Variants in NIPBL observed in about 807,000 individuals in gnomAD.
NIPBL encodes the protein nipped-B-like protein.
In NIPBL, 19 loss-of-function variants were observed where a neutral mutation model predicts 321.8. The observed-to-expected ratio is 0.06, with a 90% confidence interval of 0.04 to 0.09. The LOEUF is 0.09. Ranked by LOEUF, NIPBL falls within the 10% of genes least tolerant of loss-of-function variation. The pLI is 1.00. For synonymous variants in NIPBL, 1,106 were observed against 1,114.1 expected (o/e 0.99, Z 0.14); for missense variants, 2,210 against 3,327.0 (o/e 0.66, Z 8.26).
At chr5:36,886,637 A>G in intron 1 of NIPBL, 1 of 493,608 alleles carries the variant, frequency 2.0e-6, no homozygotes, top group East Asian at 3.7e-5. Flanking sequence ...ATTGAGGTAT[A>G]ATTTATACAG....
At chr5:37,026,774 A>C (rs1750317247) in intron 31 of NIPBL, among the ~76,000 whole-genome samples, 1 of 152,158 alleles carries the variant, frequency 6.6e-6, no homozygotes, top group Non-Finnish European at 1.5e-5. Flanking sequence ...ATATGCCTAT[A>C]ATCCCAGCTG....
chr5:37,029,767 A>G (rs1050742486), intron 32 of NIPBL, among the ~76,000 whole-genome samples: 1 of 152,236 alleles, frequency 6.6e-6, no homozygotes, highest in Non-Finnish European at 1.5e-5. Flanking sequence ...TGGTAAAAGT[A>G]GTACATTACT....
In NIPBL at chr5:36,953,527, A is replaced by G. The variant is rs1740633765; in HGVS notation, c.-79-91A>G. 10 of 645,184 alleles carry G rather than the reference A, an allele frequency of 1.5e-5. No homozygotes were observed. In the South Asian group the frequency reaches 1.9e-4, roughly 12 times the overall value. 40.0% of individuals were successfully genotyped at this position (645,184 alleles called of 1,614,324 possible). ...TTATATAGGTTGAACAAACCAAAGCAGTAACTTTTTTTTATAGTGATTAAG... is the reference window on the plus strand; with the variant it reads ...TTATATAGGTTGAACAAACCAAAGCGGTAACTTTTTTTTATAGTGATTAAG... On this transcript the variant is annotated intron_variant, in intron 1 of 46. Coordinates refer to ENST00000282516, the MANE Select transcript of NIPBL (RefSeq NM_133433.4).
At position 37,065,314 on chromosome 5, in the gene NIPBL, C is replaced by T; in HGVS notation, c.*422C>T. 5.1e-6 allele frequency: 1 copy of T among 197,146 alleles called. No individual in the cohort carries two copies. The highest frequency in any genetic ancestry group is 5.6e-5 in the Admixed American group (1 of 17,978). The allele number at this position is 197,146 out of a possible 1,614,324, so 12.2% of individuals were successfully genotyped here. ...TTTCCAGGCTGTAAAATGGCAGAAT[C>T]TCCTGGATATATAATTTATTCTGTT... On this transcript the variant is annotated 3_prime_UTR_variant, in exon 47 of 47. Coordinates refer to ENST00000282516, the MANE Select transcript of NIPBL (RefSeq NM_133433.4).
At chr5:36,970,575 T>C (rs889887639) in intron 6 of NIPBL, among the ~76,000 whole-genome samples, 8 of 151,688 alleles carry the variant, frequency 5.3e-5, no homozygotes, top group Admixed American at 2.0e-4. Context: ...AGATAACACA[T>C]AGGCAGAATA....
chr5:36,990,745 T>C (rs182966619), intron 10 of NIPBL, among the ~76,000 whole-genome samples: 1 of 152,282 alleles, frequency 6.6e-6, no homozygotes, highest in Non-Finnish European at 1.5e-5. Flanking sequence ...TTCATACAAA[T>C]ATTGCTTAAA....
intron 1 of NIPBL, among the ~76,000 whole-genome samples, chr5:36,923,933 T>A (rs1430671555): frequency 6.6e-6 from 1 of 152,180 alleles, no homozygotes; most frequent in Non-Finnish European, 1.5e-5. Context: ...TTTAAAGTGG[T>A]TAAGGATTAT....
At chr5:36,952,849 C>G (rs977812257) in intron 1 of NIPBL, among the ~76,000 whole-genome samples, 3 of 152,032 alleles carry the variant, frequency 2.0e-5, no homozygotes, top group African/African-American at 7.2e-5. Context: ...AAGATTGAAA[C>G]AAGACAAGTT....
At chr5:37,055,928 G>A (rs917194091) in intron 42 of NIPBL, among the ~76,000 whole-genome samples, 3 of 151,762 alleles carry the variant, frequency 2.0e-5, no homozygotes, top group African/African-American at 4.8e-5. Flanking sequence ...CCAAGGCAAA[G>A]GGATTGCTTG....
At chr5:37,064,505 T>C (rs772359728) in intron 46 of NIPBL, 22 bp from the exon 47 acceptor site, 6 of 1,609,546 alleles carry the variant, frequency 3.7e-6, no homozygotes, top group Non-Finnish European at 5.1e-6. Context: ...TTGGTCTTTT[T>C]TCCCCCCTCC....
chr5:36,948,869 A>G (rs915797656), intron 1 of NIPBL, among the ~76,000 whole-genome samples: 2 of 151,860 alleles, frequency 1.3e-5, no homozygotes, highest in African/African-American at 4.8e-5. Context: ...CAGAGTCACC[A>G]TACTTCACTG....
At chr5:36,923,784 T>G (rs1421813083) in intron 1 of NIPBL, among the ~76,000 whole-genome samples, 1 of 152,176 alleles carries the variant, frequency 6.6e-6, no homozygotes, top group Non-Finnish European at 1.5e-5. Flanking sequence ...ATCAACACCC[T>G]GAGGCTGTGA....
chr5:37,026,075 T>C lies in NIPBL; in HGVS notation c.5710-154T>C, dbSNP rs566444730. Among the ~76,000 whole-genome samples the C allele has an allele frequency of 2.6e-5, 4 of 152,290 alleles. No homozygotes were observed. The South Asian group carries it at 8.3e-4, about 32-fold the overall frequency. On this transcript the variant is annotated intron_variant, in intron 30 of 46. Coordinates refer to ENST00000282516, the MANE Select transcript of NIPBL (RefSeq NM_133433.4). ...TATAGTTTTGAGAAATTAGTAGTTT[T>C]AGAAAAAACTGAGGAAATTAATACC...
chr5:36,985,772 T>A lies in NIPBL; in HGVS notation c.2592T>A (p.Asp864Glu), dbSNP rs80358365. The A allele has an allele frequency of 2.5e-6, 4 of 1,613,730 alleles. No individual in the cohort carries two copies. Among genetic ancestry groups the A allele is most frequent in the Non-Finnish European group, 3.4e-6 (4 of 1,179,894 alleles). ...TTAAATCTGATAGTTCAAAAACTGA[T>A]AAACTAGAACGAAAACACAGGCATG... ...HGIKSDSSKT[D>E]KLERKHRHES... Residue 864 changes from aspartate to glutamate, a missense_variant, in exon 10 of 47, where the codon GAT becomes GAA. Asp to Glu is a conservative substitution (Grantham distance 45). Around this residue, in one of 14 missense-constraint regions of NIPBL, gnomAD observed 588 missense variants for 564.1 expected, o/e 1.04. Coordinates refer to ENST00000282516, the MANE Select transcript of NIPBL (RefSeq NM_133433.4).
intron 10 of NIPBL, among the ~76,000 whole-genome samples, chr5:36,993,649 A>ATTTG (rs1233980754): frequency 6.6e-6 from 1 of 151,986 alleles, no homozygotes; most frequent in African/African-American, 2.4e-5. Context: ...TAAGCAAAAC[A>ATTTG]CTTAGGTACA....
At chr5:36,961,669 G>T in intron 5 of NIPBL, 86 bp downstream of exon 5, 1 of 913,528 alleles carries the variant, frequency 1.1e-6, no homozygotes, top group Non-Finnish European at 1.8e-6. Context: ...TTAGGTAATG[G>T]TGGATTATTT....
At chr5:36,929,774 T>A (rs1749643924) in intron 1 of NIPBL, among the ~76,000 whole-genome samples, 1 of 152,128 alleles carries the variant, frequency 6.6e-6, no homozygotes, top group African/African-American at 2.4e-5. Context: ...GTTAATGGTC[T>A]GTTTTTAAAT....
At chr5:37,036,795 G>A (rs950610741) in intron 33 of NIPBL, among the ~76,000 whole-genome samples, 3 of 151,628 alleles carry the variant, frequency 2.0e-5, no homozygotes, top group East Asian at 1.9e-4. Flanking sequence ...GGGCTAATAT[G>A]TATCTAGCTA....
intron 1 of NIPBL, among the ~76,000 whole-genome samples, chr5:36,892,823 G>C (rs919592368): frequency 1.3e-5 from 2 of 151,994 alleles, no homozygotes; most frequent in Admixed American, 6.6e-5. Flanking sequence ...AGCATTAGGA[G>C]ATATACCTAA....
Sources: allele counts gnomAD v4.1 joint callset (sites outside exome capture counted in the v4.1 genomes callset), GRCh38; gene constraint gnomAD v4.1.1; regional missense constraint gnomAD v4.1.1; transcripts MANE v1.5; gene names NCBI Gene and HGNC (gene_info 2026-07-23, HGNC 2026-07-21).